Variants in PCDHA8 observed in about 807,000 individuals in gnomAD.
The protein encoded by PCDHA8 is protocadherin alpha 8.
A neutral mutation model predicts 61.8 loss-of-function variants in PCDHA8; 53 were observed. That is an observed-to-expected ratio of 0.86 (90% CI 0.69 to 1.08). The LOEUF is 1.08. Ranked by LOEUF, PCDHA8 falls within the 50% of genes least tolerant of loss-of-function variation. The pLI is 0.00. For missense variants in PCDHA8, 1,293 were observed against 1,245.0 expected, an observed-to-expected ratio of 1.04 and a Z score of -0.58; for synonymous variants, 618 against 556.6, an observed-to-expected ratio of 1.11 and a Z score of -1.55.
chr5:140,890,069 A>C (rs1554184149), intron 1 of PCDHA8, among the ~76,000 whole-genome samples: 1 of 152,204 alleles, frequency 6.6e-6, no homozygotes, highest in Non-Finnish European at 1.5e-5. Flanking sequence ...TTACTGGCTT[A>C]TGAGAACTGA....
intron 1 of PCDHA8, chr5:140,883,519 C>A: frequency 6.2e-7 from 1 of 1,614,190 alleles, no homozygotes; most frequent in Non-Finnish European, 8.5e-7. Flanking sequence ...ACCGCGAGAG[C>A]GTATCAGCCT....
At chr5:140,925,906 G>A (rs1181128933) in intron 1 of PCDHA8, among the ~76,000 whole-genome samples, 1 of 151,830 alleles carries the variant, frequency 6.6e-6, no homozygotes, top group Non-Finnish European at 1.5e-5. Context: ...ATCGTCAAGG[G>A]CCGTTTGCAA....
At chr5:140,853,997 T>C in intron 1 of PCDHA8, 1 of 465,218 alleles carries the variant, frequency 2.1e-6, no homozygotes, top group Non-Finnish European at 2.9e-6. Flanking sequence ...GACTCATCTC[T>C]GCCAAAAAAA....
At chr5:140,884,205 G>T (rs1554181325) in intron 1 of PCDHA8, 3 of 1,613,490 alleles carry the variant, frequency 1.9e-6, no homozygotes, top group East Asian at 4.5e-5. Context: ...CCGCACCACC[G>T]CCTTCTGGTG....
At chr5:140,992,044 T>A (rs1160444128) in intron 3 of PCDHA8, among the ~76,000 whole-genome samples, 1 of 151,788 alleles carries the variant, frequency 6.6e-6, no homozygotes, top group African/African-American at 2.4e-5. Flanking sequence ...TGTGTGTGTG[T>A]GTGTGTGTGT....
chr5:140,942,310 C>T (rs782391809), intron 1 of PCDHA8, among the ~76,000 whole-genome samples: 14 of 151,402 alleles, frequency 9.2e-5, no homozygotes, highest in East Asian at 1.9e-4. Flanking sequence ...CTTGGGAGGT[C>T]GAGGCACAAG....
chr5:140,945,614 A>G lies in PCDHA8; in HGVS notation c.2395-33335A>G, dbSNP rs2093816394. Among the ~76,000 whole-genome samples the G allele has an allele frequency of 2.0e-5, 3 of 152,278 alleles. No homozygotes were observed. The South Asian group carries it at 6.2e-4, about 32-fold the overall frequency. ...TCAAAGCTATAATAATCAAAACAGC[A>G]TGGTACTGGCATAAAAGACATGTAG... On this transcript the variant is annotated intron_variant, in intron 1 of 3. Coordinates refer to ENST00000531613, the MANE Select transcript of PCDHA8 (RefSeq NM_018911.3).
rs2150469634 is a variant in PCDHA8, at chr5:140,850,145, G to A, written c.2394+6430G>A. 7 of 1,595,444 alleles carry A rather than the reference G, an allele frequency of 4.4e-6. No individual in the cohort carries two copies. The African/African-American group carries it at 5.4e-5, about 12-fold the overall frequency. ...TGCCGCCTCTGGGCAGCAACGTGACGCTGCAGGTGTTCGTGCTGGACGAGA... is the reference window on the plus strand; with the variant it reads ...TGCCGCCTCTGGGCAGCAACGTGACACTGCAGGTGTTCGTGCTGGACGAGA... On this transcript the variant is annotated intron_variant, in intron 1 of 3. Coordinates refer to ENST00000531613, the MANE Select transcript of PCDHA8 (RefSeq NM_018911.3).
intron 1 of PCDHA8, among the ~76,000 whole-genome samples, chr5:140,913,410 C>A (rs375204256): frequency 6.6e-6 from 1 of 152,040 alleles, no homozygotes; most frequent in Non-Finnish European, 1.5e-5. Flanking sequence ...CCTTTGAATT[C>A]CTGCAGTATC....
chr5:141,006,503 G>A (rs1163915409), intron 3 of PCDHA8, among the ~76,000 whole-genome samples: 2 of 152,168 alleles, frequency 1.3e-5, no homozygotes, highest in South Asian at 2.1e-4. Context: ...GTGAGCCACC[G>A]CGCCTGGCTG....
rs371705947 is a variant in PCDHA8, at chr5:140,967,473, C to T, written c.2395-11476C>T. The T allele has an allele frequency of 6.6e-5, 107 of 1,613,362 alleles. No homozygotes were observed. The highest frequency in any genetic ancestry group is 6.6e-4 in the Middle Eastern group (4 of 6,058). On this transcript the variant is annotated intron_variant, in intron 1 of 3. Coordinates refer to ENST00000531613, the MANE Select transcript of PCDHA8 (RefSeq NM_018911.3). The stretch of plus-strand genomic sequence containing the variant: ...ACAGCCGTGGATGGGGGCATCCCAG[C>T]CCGCTCGGGTACGGCACAGATCTCT...
At chr5:140,944,241 G>A (rs2093630107) in intron 1 of PCDHA8, among the ~76,000 whole-genome samples, 1 of 152,196 alleles carries the variant, frequency 6.6e-6, no homozygotes, top group African/African-American at 2.4e-5. Context: ...AGGCTGGAGT[G>A]CAGTGATGTG....
intron 1 of PCDHA8, chr5:140,968,461 C>G (rs141568667): frequency 1.4e-5 from 22 of 1,614,078 alleles, no homozygotes; most frequent in Non-Finnish European, 1.9e-5. Context: ...CTGTGACTGC[C>G]AACGTATATG....
intron 1 of PCDHA8, chr5:140,875,246 C>T: frequency 1.0e-6 from 1 of 955,372 alleles, no homozygotes; most frequent in Non-Finnish European, 1.5e-6. Context: ...CTTACATAAT[C>T]AGTCACATGA....
At chr5:140,951,098 A>T (rs1480000816) in intron 1 of PCDHA8, among the ~76,000 whole-genome samples, 1 of 151,264 alleles carries the variant, frequency 6.6e-6, no homozygotes, top group African/African-American at 2.4e-5. Flanking sequence ...TTCTGATAAG[A>T]TTTCCTTTAT....
At chr5:141,005,967 A>ACAATTC (rs1554260442) in intron 3 of PCDHA8, among the ~76,000 whole-genome samples, 1 of 152,062 alleles carries the variant, frequency 6.6e-6, no homozygotes, top group Non-Finnish European at 1.5e-5. Flanking sequence ...CAATAAAAAA[A>ACAATTC]CAATTCCAAA....
intron 1 of PCDHA8, among the ~76,000 whole-genome samples, chr5:140,941,255 CTCTT>C (rs1554214207): frequency 2.2e-4 from 10 of 44,514 alleles, no homozygotes; most frequent in East Asian, 7.5e-4. Flanking sequence ...TTCTTTCTTT[CTCTT>C]TCTTTCTTTC....
intron 3 of PCDHA8, among the ~76,000 whole-genome samples, chr5:140,998,370 G>A (rs1321470929): frequency 2.6e-5 from 4 of 152,106 alleles, no homozygotes; most frequent in Admixed American, 1.3e-4. Flanking sequence ...TGCACACACC[G>A]TCTCTAGAAA....
At chr5:140,969,293 C>A in intron 1 of PCDHA8, 1 of 1,614,186 alleles carries the variant, frequency 6.2e-7, no homozygotes, top group Non-Finnish European at 8.5e-7. Flanking sequence ...TGCTGGGAAC[C>A]TGATTATTCT....
Sources: allele counts gnomAD v4.1 joint callset (sites outside exome capture counted in the v4.1 genomes callset), GRCh38; gene constraint gnomAD v4.1.1; transcripts MANE v1.5; gene names NCBI Gene and HGNC (gene_info 2026-07-23, HGNC 2026-07-21).